ZER1: variants seen among roughly 807,000 people sequenced by gnomAD.
ZER1 encodes the protein protein zer-1 homolog.
A neutral mutation model predicts 78.8 loss-of-function variants in ZER1; 11 were observed. That is an observed-to-expected ratio of 0.14 (90% CI 0.09 to 0.23). The LOEUF (loss-of-function observed/expected upper bound fraction) is 0.23, where lower values mean the gene tolerates loss of function less well. ZER1 is among the 10% of genes least tolerant of loss of function. ZER1 has a pLI of 1.00. For missense variants in ZER1, 588 were observed against 996.9 expected, an observed-to-expected ratio of 0.59 and a Z score of 5.52; for synonymous variants, 400 against 407.0, an observed-to-expected ratio of 0.98 and a Z score of 0.21.
chr9:128,761,436 GC>G (rs1384777052), intron 1 of ZER1, among the ~76,000 whole-genome samples: 3 of 151,648 alleles, frequency 2.0e-5, no homozygotes, highest in Non-Finnish European at 2.9e-5. Context: ...ACAGGCACCT[GC>G]CCCTACACCC....
chr9:128,766,840 C>T (rs1337343524), intron 1 of ZER1, among the ~76,000 whole-genome samples: 9 of 81,414 alleles, frequency 1.1e-4, no homozygotes, highest in Admixed American at 8.9e-4. Context: ...AGCAAGATTC[C>T]GTCTCAAAAA....
chr9:128,768,191 T>C (rs544935016), intron 1 of ZER1, among the ~76,000 whole-genome samples: 1 of 152,166 alleles, frequency 6.6e-6, no homozygotes, highest in South Asian at 2.1e-4. Context: ...GGTCCACAAA[T>C]AGATAACCAG....
In ZER1 at chr9:128,730,016, G is replaced by C. The variant is rs1862757415; in HGVS notation, c.*1321C>G. 1 of 152,346 alleles carries C rather than the reference G, an allele frequency of 6.6e-6. No homozygotes were observed. Among genetic ancestry groups the C allele is most frequent in the Non-Finnish European group, 1.5e-5 (1 of 68,126 alleles). 9.4% of individuals were successfully genotyped at this position (152,346 alleles called of 1,614,324 possible). A position where few individuals can be genotyped will look rare whatever the true frequency, so the allele number is the denominator to read the frequency against. ...GAGAGGCTCCAGGAGAAAAAGGCCAGGTGTCTCTCCCAAAGCTGCTCACCC... is the reference window on the plus strand; with the variant it reads ...GAGAGGCTCCAGGAGAAAAAGGCCACGTGTCTCTCCCAAAGCTGCTCACCC... On this transcript the variant is annotated 3_prime_UTR_variant, in exon 16 of 16. Coordinates refer to ENST00000291900, the MANE Select transcript of ZER1 (RefSeq NM_006336.4).
Position 128,735,397 on chromosome 9 carries a change from C to G in ZER1, c.2077G>C (p.Gly693Arg). 1 of 1,614,040 alleles carries G rather than the reference C, an allele frequency of 6.2e-7. No homozygotes were observed. Among genetic ancestry groups the G allele is most frequent in the Non-Finnish European group, 8.5e-7 (1 of 1,179,974 alleles). Residue 693 changes from glycine to arginine, a missense_variant, in exon 14 of 16, where the codon GGA becomes CGA. By Grantham distance (125) the Gly-to-Arg change is moderately radical. Coordinates refer to ENST00000291900, the MANE Select transcript of ZER1 (RefSeq NM_006336.4). ...CAGTGCTGGCTGACAGGAGAGATTC[C>G]CTGGGGAAGGAGGCGGAGAATTGGT... ...FEPILRLLPQ[G>R]ISPVSQHWAT...
intron 8 of ZER1, among the ~76,000 whole-genome samples, chr9:128,747,378 G>T (rs567191436): frequency 6.6e-6 from 1 of 152,234 alleles, no homozygotes; most frequent in South Asian, 2.1e-4. Flanking sequence ...CACACACTGG[G>T]CAGAGCCTTG....
rs1279372753 is a variant in ZER1 at position 128,742,665 on chromosome 9, C to T, written c.1440G>A (p.Glu480=). The T allele has an allele frequency of 6.2e-7, 1 of 1,614,210 alleles. No individual in the cohort carries two copies. The highest frequency in any genetic ancestry group is 8.5e-7 in the Non-Finnish European group (1 of 1,180,034). The change falls in exon 9 of 16, where the codon GAG becomes GAA. Residue 480 remains glutamate (E), a synonymous_variant. Transcript: ENST00000291900. ...TGGGGTTGAGGATGCTGAGCAGGAG[C>T]TCGTTGACCCGGCGGTACTGGAATT... ...ELEFQYRRVN[E]LLLSILNPTR...
chr9:128,748,792 G>C (rs1863582142), intron 8 of ZER1, among the ~76,000 whole-genome samples: 1 of 150,248 alleles, frequency 6.7e-6, no homozygotes, highest in African/African-American at 2.4e-5. Context: ...GGCTGGTCTC[G>C]AACTCCTGAC....
intron 14 of ZER1, among the ~76,000 whole-genome samples, chr9:128,734,735 A>G (rs1166681283): frequency 6.6e-6 from 1 of 152,108 alleles, no homozygotes; most frequent in East Asian, 1.9e-4. Flanking sequence ...ATAGATTTCT[A>G]AGCCCTGTCT....
rs1438406253 is a variant in ZER1 at position 128,754,470 on chromosome 9, C to T, written c.159-511G>A. On this transcript the variant is annotated intron_variant, in intron 2 of 15. Transcript: ENST00000291900. The surrounding 1 kb of genome is among the most constrained non-coding windows in gnomAD (Gnocchi z 4.3). ...ACTCTAAATCTTGGCTTGGCTGCTT[C>T]CTACCTGGGCAACTTCACACAAGTA... Among the ~76,000 whole-genome samples the T allele has an allele frequency of 6.6e-6, 1 of 152,174 alleles. No individual in the cohort carries two copies.
intron 8 of ZER1, among the ~76,000 whole-genome samples, chr9:128,745,416 C>T (rs1321619572): frequency 2.0e-5 from 3 of 151,924 alleles, no homozygotes; most frequent in Non-Finnish European, 2.9e-5. Flanking sequence ...GGCTGGAGTG[C>T]AGTGGCATGA....
In ZER1 at chr9:128,735,780, T is replaced by G. The variant is rs1478827456; in HGVS notation, c.2043-349A>C. ...GACCTGGTTTTTTTTTTTTTTTTTT[T>G]TTTTTTTTTTTTTGTGAGACGGAGT... On this transcript the variant is annotated intron_variant, in intron 13 of 15. Coordinates refer to ENST00000291900, the MANE Select transcript of ZER1 (RefSeq NM_006336.4). Among the ~76,000 whole-genome samples the G allele has an allele frequency of 8.0e-5, 11 of 137,258 alleles. 1 individual carries two copies. Among genetic ancestry groups the G allele is most frequent in the Middle Eastern group, 3.6e-3 (1 of 278 alleles). The allele number at this position is 137,258 out of a possible 152,430, so 90.0% of individuals were successfully genotyped here.
rs1050395789 is a variant in ZER1 at position 128,730,476 on chromosome 9, G to C, written c.*861C>G. On this transcript the variant is annotated 3_prime_UTR_variant, in exon 16 of 16. Coordinates refer to ENST00000291900, the MANE Select transcript of ZER1 (RefSeq NM_006336.4). Reference sequence around the variant, plus strand: ...CCTGGGCAGTTGAGGGCTATGGAGCGAGGAAGCAAGCCCCTGGCCCCAGAA... The same window carrying C: ...CCTGGGCAGTTGAGGGCTATGGAGCCAGGAAGCAAGCCCCTGGCCCCAGAA... The C allele has an allele frequency of 1.3e-5, 2 of 153,218 alleles. No homozygotes were observed. The highest frequency in any genetic ancestry group is 2.4e-5 in the African/African-American group (1 of 41,482). The allele number at this position is 153,218 out of a possible 1,614,324, so 9.5% of individuals were successfully genotyped here.
Position 128,755,616 on chromosome 9 carries a change from C to G in ZER1, c.-51G>C, listed in dbSNP as rs760103193. The G allele has an allele frequency of 4.4e-6, 7 of 1,588,290 alleles. No homozygotes were observed. Among genetic ancestry groups the G allele is most frequent in the Non-Finnish European group, 5.2e-6 (6 of 1,160,656 alleles). On this transcript the variant is annotated 5_prime_UTR_variant, in exon 2 of 16. Coordinates refer to ENST00000291900, the MANE Select transcript of ZER1 (RefSeq NM_006336.4). The surrounding 1 kb of genome is among the most constrained non-coding windows in gnomAD (Gnocchi z 5.6). ...CCAGGACAAGGATCCCCAGGGGCAA[C>G]AGTGATTCCTGAATACTCACAGGAT...
At chr9:128,734,111 G>C (rs1862946336) in intron 14 of ZER1, among the ~76,000 whole-genome samples, 2 of 23,140 alleles carry the variant, frequency 8.6e-5, no homozygotes, top group African/African-American at 2.2e-4. Context: ...CTGGGCGACA[G>C]AGCAAAACTC....
At chr9:128,733,325 C>T (rs934152877) in intron 15 of ZER1, 101 bp downstream of exon 15, 2 of 961,102 alleles carry the variant, frequency 2.1e-6, no homozygotes, top group African/African-American at 3.2e-5. Flanking sequence ...TCTAAGCTGT[C>T]CCTGGGAATT....
At chr9:128,761,473 G>A (rs571936780) in intron 1 of ZER1, among the ~76,000 whole-genome samples, 52 of 151,980 alleles carry the variant, frequency 3.4e-4, no homozygotes, top group African/African-American at 1.2e-3. Flanking sequence ...TTTTAGTAGA[G>A]ACGGGGTTTT....
intron 1 of ZER1, among the ~76,000 whole-genome samples, chr9:128,761,052 G>A (rs1864025845): frequency 6.7e-6 from 1 of 148,396 alleles, no homozygotes; most frequent in Admixed American, 6.7e-5. Context: ...CAGCTACTCG[G>A]GAGGCTGAGG....
chr9:128,743,956 T>G (rs1161195722), intron 8 of ZER1, among the ~76,000 whole-genome samples: 6 of 134,280 alleles, frequency 4.5e-5, no homozygotes, highest in African/African-American at 1.7e-4. Flanking sequence ...TGGAGTGCAG[T>G]GGCGTGATCT....
At chr9:128,744,382 C>T (rs550985552) in intron 8 of ZER1, among the ~76,000 whole-genome samples, 1 of 151,338 alleles carries the variant, frequency 6.6e-6, no homozygotes, top group African/African-American at 2.4e-5. Flanking sequence ...TTAGTAGAGA[C>T]AGGGTTTTAC....
Sources: allele counts gnomAD v4.1 joint callset (sites outside exome capture counted in the v4.1 genomes callset), GRCh38; gene constraint gnomAD v4.1.1; non-coding constraint Gnocchi (gnomAD v3.1); transcripts MANE v1.5; gene names NCBI Gene and HGNC (gene_info 2026-07-23, HGNC 2026-07-21).